PKIA: variants seen among roughly 807,000 people sequenced by gnomAD.
PKIA encodes PKI-alpha.
A neutral mutation model predicts 7.6 loss-of-function variants in PKIA; 4 were observed. That is an observed-to-expected ratio of 0.52 (90% CI 0.26 to 1.20). The LOEUF is 1.20. Ranked by LOEUF, PKIA falls within the 50% of genes most tolerant of loss-of-function variation. PKIA has a pLI of 0.13. For synonymous variants in PKIA, 21 were observed against 30.7 expected, an observed-to-expected ratio of 0.68 and a Z score of 1.04; for missense variants, 73 against 86.2, an observed-to-expected ratio of 0.85 and a Z score of 0.61.
intron 2 of PKIA, among the ~76,000 whole-genome samples, chr8:78,589,272 A>T (rs1024891965): frequency 6.6e-5 from 10 of 152,322 alleles, no homozygotes; most frequent in African/African-American, 2.4e-4. Flanking sequence ...TTTAAAGAGC[A>T]TACAAAAAAA....
intron 1 of PKIA, among the ~76,000 whole-genome samples, chr8:78,545,678 AAG>A (rs1221461118): frequency 6.6e-6 from 1 of 152,140 alleles, no homozygotes; most frequent in African/African-American, 2.4e-5. Context: ...TCATCAATAA[AAG>A]AGCTTGGGTT....
At chr8:78,542,853 T>A (rs1315251964) in intron 1 of PKIA, among the ~76,000 whole-genome samples, 1 of 152,154 alleles carries the variant, frequency 6.6e-6, no homozygotes, top group Non-Finnish European at 1.5e-5. Flanking sequence ...CTTATCTCCT[T>A]CCTGTCTCGT....
At position 78,596,457 on chromosome 8, in the gene PKIA, TCA is replaced by T. The variant is rs1017233727; in HGVS notation, c.-27-1900_-27-1899del. Among the ~76,000 whole-genome samples, 13 of 152,278 alleles carry T rather than the reference TCA, an allele frequency of 8.5e-5. 1 individual carries two copies. The highest frequency in any genetic ancestry group is 2.0e-4 in the Admixed American group (3 of 15,282). ...TTTCACCATGTTGGTCAGGCTGGTC[TCA>T]GACTCCTGACCCCAGGTGATCCACC... On this transcript the variant is annotated intron_variant, in intron 2 of 3. Coordinates refer to ENST00000396418, the MANE Select transcript of PKIA (RefSeq NM_006823.4).
rs996643289 is a variant in PKIA, at chr8:78,565,198, G to C, written c.-156-7613G>C. Among the ~76,000 whole-genome samples, 5 of 140,464 alleles carry C rather than the reference G, an allele frequency of 3.6e-5. No homozygotes were observed. In the East Asian group the frequency reaches 9.7e-4, roughly 27 times the overall value. 92.1% of individuals were successfully genotyped at this position (140,464 alleles called of 152,430 possible). On this transcript the variant is annotated intron_variant, in intron 1 of 3. Coordinates refer to ENST00000396418, the MANE Select transcript of PKIA (RefSeq NM_006823.4). ...TAATTGTTTTTAGAAAAAATTTCAA[G>C]ATTTTTTTTCTTTTTTGCTGTATTT...
At chr8:78,558,405 G>A (rs1330050284) in intron 1 of PKIA, 1 of 153,682 alleles carries the variant, frequency 6.5e-6, no homozygotes, top group African/African-American at 2.4e-5. Flanking sequence ...GGAAGAAAAA[G>A]AGGCTTAATT....
chr8:78,549,452 A>C (rs887589133), intron 1 of PKIA, among the ~76,000 whole-genome samples: 1 of 152,004 alleles, frequency 6.6e-6, no homozygotes, highest in Non-Finnish European at 1.5e-5. Flanking sequence ...TCTTTAGAAA[A>C]TTTTGCTATA....
At chr8:78,549,361 T>C (rs1200100352) in intron 1 of PKIA, among the ~76,000 whole-genome samples, 2 of 152,100 alleles carry the variant, frequency 1.3e-5, no homozygotes, top group African/African-American at 2.4e-5. Context: ...AATCTGGTTT[T>C]ACAAGTTTTA....
chr8:78,579,267 C>A (rs547433453), intron 2 of PKIA, among the ~76,000 whole-genome samples: 2 of 151,994 alleles, frequency 1.3e-5, no homozygotes, highest in Admixed American at 6.6e-5. Flanking sequence ...ATAACAAGTA[C>A]AATAGCCAGA....
intron 2 of PKIA, among the ~76,000 whole-genome samples, chr8:78,585,376 A>T (rs1314190402): frequency 6.6e-6 from 1 of 152,114 alleles, no homozygotes; most frequent in Non-Finnish European, 1.5e-5. Flanking sequence ...TGAAAATTCT[A>T]TTTAAAACAA....
At chr8:78,557,870 T>TC (rs11394660) in intron 1 of PKIA, among the ~76,000 whole-genome samples, 148,635 of 152,276 alleles carry the variant, frequency 0.98, 72,561 homozygotes, top group East Asian at 1. Flanking sequence ...AGTCTGTGTT[T>TC]CCCTGTAACA....
intron 1 of PKIA, among the ~76,000 whole-genome samples, chr8:78,556,770 T>C (rs919099812): frequency 1.3e-5 from 2 of 152,174 alleles, no homozygotes; most frequent in Non-Finnish European, 2.9e-5. Context: ...GATACTATAG[T>C]AGGTTTCACA....
chr8:78,547,351 C>T (rs1188031711), intron 1 of PKIA, among the ~76,000 whole-genome samples: 4 of 152,128 alleles, frequency 2.6e-5, no homozygotes, highest in African/African-American at 9.7e-5. Context: ...GATCCACCCA[C>T]CTCAGCCTCC....
intron 1 of PKIA, among the ~76,000 whole-genome samples, chr8:78,550,827 C>T (rs180813471): frequency 6.6e-6 from 1 of 152,112 alleles, no homozygotes; most frequent in African/African-American, 2.4e-5. Flanking sequence ...CCCTTTCTCC[C>T]TCAAGACCCC....
chr8:78,599,163 G>C (rs1261890076), intron 3 of PKIA, among the ~76,000 whole-genome samples: 6 of 152,038 alleles, frequency 3.9e-5, no homozygotes, highest in Non-Finnish European at 5.9e-5. Flanking sequence ...AAACAAGTTT[G>C]ATGGATTAAA....
intron 2 of PKIA, among the ~76,000 whole-genome samples, chr8:78,583,557 G>T (rs574030473): frequency 1.3e-5 from 2 of 152,206 alleles, no homozygotes; most frequent in South Asian, 4.2e-4. Flanking sequence ...CTGTTTCTGT[G>T]TTAAAAATTG....
intron 2 of PKIA, among the ~76,000 whole-genome samples, chr8:78,583,329 A>G (rs1807866702): frequency 6.6e-6 from 1 of 152,138 alleles, no homozygotes; most frequent in African/African-American, 2.4e-5. Context: ...GATGGCAAGC[A>G]AATATTGTAA....
chr8:78,578,810 G>A (rs1261061539), intron 2 of PKIA, among the ~76,000 whole-genome samples: 1 of 151,832 alleles, frequency 6.6e-6, no homozygotes, highest in Non-Finnish European at 1.5e-5. Context: ...GTGCACATGA[G>A]TTTTATTCTA....
intron 1 of PKIA, among the ~76,000 whole-genome samples, chr8:78,519,190 A>AG (rs1382490909): frequency 1.3e-5 from 2 of 152,164 alleles, no homozygotes; most frequent in Non-Finnish European, 2.9e-5. Flanking sequence ...AAAAAAAAAA[A>AG]AAAAAGTTTT....
chr8:78,543,354 G>A (rs1226459571), intron 1 of PKIA, among the ~76,000 whole-genome samples: 1 of 151,988 alleles, frequency 6.6e-6, no homozygotes, highest in Non-Finnish European at 1.5e-5. Context: ...CTTCGTATGT[G>A]GTCTGTATAA....
Sources: allele counts gnomAD v4.1 joint callset (sites outside exome capture counted in the v4.1 genomes callset), GRCh38; gene constraint gnomAD v4.1.1; transcripts MANE v1.5; gene names NCBI Gene and HGNC (gene_info 2026-07-23, HGNC 2026-07-21).